ZNF875: variants seen among roughly 807,000 people sequenced by gnomAD.
The protein encoded by ZNF875 is HKR1, GLI-Kruppel zinc finger family member.
A neutral mutation model predicts 11.2 loss-of-function variants in ZNF875; 14 were observed. The observed-to-expected ratio is 1.26, with a 90% CI of 0.83 to 1.96. ZNF875 has a LOEUF of 1.96. Among genes scored for constraint, ZNF875 ranks in the 30% most tolerant of loss-of-function variants. The probability of loss-of-function intolerance (pLI) is 0.00; values close to 1 mark genes in which losing one functional copy is unlikely to be tolerated. For synonymous variants in ZNF875, 301 were observed against 281.1 expected (o/e 1.07, Z -0.71); for missense variants, 752 against 760.4 (o/e 0.99, Z 0.13).
chr19:37,347,530 C>A, intron 3 of ZNF875: 1 of 614,626 alleles, frequency 1.6e-6, no homozygotes, highest in South Asian at 2.1e-5. Context: ...AGGCCTGTTT[C>A]CCAAGGCTTG....
chr19:37,331,088 G>A (rs2033300190), upstream of ZNF875, among the ~76,000 whole-genome samples: 1 of 150,114 alleles, frequency 6.7e-6, no homozygotes, highest in Admixed American at 6.7e-5. Flanking sequence ...TCGGGAGGCT[G>A]AGACAGGAGA....
At chr19:37,357,923 TG>T (rs1568645975) in intron 4 of ZNF875, 1 of 398,252 alleles carries the variant, frequency 2.5e-6, no homozygotes, top group Non-Finnish European at 4.4e-6. Context: ...TGAATACGAG[TG>T]GTGAGAGCAG....
chr19:37,349,444 G>A (rs1217811965), intron 4 of ZNF875, among the ~76,000 whole-genome samples: 1 of 152,170 alleles, frequency 6.6e-6, no homozygotes, highest in Admixed American at 6.5e-5. Context: ...GTATGAAATG[G>A]CCTCTCATAG....
At chr19:37,351,294 TTTCA>T (rs1427468250) in intron 4 of ZNF875, among the ~76,000 whole-genome samples, 7 of 152,206 alleles carry the variant, frequency 4.6e-5, no homozygotes, top group African/African-American at 1.7e-4. Context: ...GTGCTTCCTC[TTTCA>T]TTCCCCATAT....
upstream of ZNF875, among the ~76,000 whole-genome samples, chr19:37,329,731 G>T (rs371323850): frequency 2.6e-5 from 4 of 152,034 alleles, no homozygotes; most frequent in Non-Finnish European, 4.4e-5. Context: ...TTCCTCAGTG[G>T]TTTTTTCCCC....
chr19:37,345,107 C>A (rs964171416), intron 2 of ZNF875: 1 of 205,270 alleles, frequency 4.9e-6, no homozygotes, highest in Middle Eastern at 2.1e-3. Flanking sequence ...CCCAGTGATT[C>A]ACAACCATCA....
intron 3 of ZNF875, among the ~76,000 whole-genome samples, chr19:37,323,879 G>A (rs2031965360): frequency 6.6e-6 from 1 of 152,166 alleles, no homozygotes; most frequent in South Asian, 2.1e-4. Flanking sequence ...TGCACACCCC[G>A]GTGCATGTGC....
chr19:37,326,905 T>C (rs1407607577), intron 4 of ZNF875, among the ~76,000 whole-genome samples: 1 of 151,998 alleles, frequency 6.6e-6, no homozygotes, highest in African/African-American at 2.4e-5. Context: ...TGACCTCAAG[T>C]GATCTGCCCG....
At chr19:37,329,230 C>T (rs576760391) in intron 4 of ZNF875, 2 of 152,256 alleles carry the variant, frequency 1.3e-5, no homozygotes, top group African/African-American at 4.8e-5. Context: ...GTTTTCTAGT[C>T]CCTCTTATTT....
intron 4 of ZNF875, among the ~76,000 whole-genome samples, chr19:37,356,717 G>T (rs2038973750): frequency 6.6e-6 from 1 of 152,090 alleles, no homozygotes. Context: ...TTATGTTTCT[G>T]CATATTAGTC....
chr19:37,325,649 G>T (rs564058342), intron 4 of ZNF875, among the ~76,000 whole-genome samples: 2 of 151,758 alleles, frequency 1.3e-5, no homozygotes, highest in East Asian at 1.9e-4. Flanking sequence ...GGGCTCAAGA[G>T]ATCCTCCTAC....
intron 2 of ZNF875, among the ~76,000 whole-genome samples, 170 bp downstream of exon 2, chr19:37,335,427 C>T (rs999976640): frequency 6.6e-6 from 1 of 152,142 alleles, no homozygotes; most frequent in South Asian, 2.1e-4. Flanking sequence ...GCGTCCGATT[C>T]TGTCGCTGTT....
At chr19:37,339,848 A>G (rs1481692489) in intron 2 of ZNF875, among the ~76,000 whole-genome samples, 2 of 151,064 alleles carry the variant, frequency 1.3e-5, no homozygotes, top group African/African-American at 4.9e-5. Flanking sequence ...TACAGGCATG[A>G]GCACCGCGGC....
intron 4 of ZNF875, among the ~76,000 whole-genome samples, chr19:37,325,550 CTTTT>C (rs34494440): frequency 2.7e-5 from 4 of 146,488 alleles, no homozygotes; most frequent in Non-Finnish European, 6.0e-5. Flanking sequence ...AAATCATTTA[CTTTT>C]TTTTTTTTTG....
In ZNF875 at chr19:37,363,509, A is replaced by T. The variant is rs1330041569; in HGVS notation, c.1657A>T (p.Lys553Ter). The change falls in exon 5 of 5, where the codon AAG becomes TAG. Residue 553 changes from lysine to a stop codon, truncating the protein, a stop_gained. Coordinates refer to ENST00000392153, the MANE Select transcript of ZNF875 (RefSeq NM_001353803.2). LOFTEE classifies it low-confidence loss of function (END_TRUNC). ...FRQKPNLFRH[K>*]RAHSGAFVCR... ...GCAGAAGCCTAACCTGTTTAGGCAC[A>T]AGAGGGCACACTCAGGTGCCTTTGT... The T allele has an allele frequency of 6.2e-7, 1 of 1,612,792 alleles. No individual in the cohort carries two copies. Among genetic ancestry groups the T allele is most frequent in the Admixed American group, 1.7e-5 (1 of 59,952 alleles).
At chr19:37,315,849 T>C (rs2030154982), upstream of ZNF875, among the ~76,000 whole-genome samples, 1 of 151,932 alleles carries the variant, frequency 6.6e-6, no homozygotes, top group African/African-American at 2.4e-5. Context: ...GGGCCTAGGG[T>C]CTGGAAAGAT....
In ZNF875 at chr19:37,363,994, T is replaced by G; in HGVS notation, c.*219T>G. 1 of 539,104 alleles carries G rather than the reference T, an allele frequency of 1.9e-6. No individual in the cohort carries two copies. The highest frequency in any genetic ancestry group is 3.3e-6 in the Non-Finnish European group (1 of 301,602). The allele number at this position is 539,104 out of a possible 1,614,324, so 33.4% of individuals were successfully genotyped here. A position where few individuals can be genotyped will look rare whatever the true frequency, so the allele number is the denominator to read the frequency against. On this transcript the variant is annotated 3_prime_UTR_variant, in exon 5 of 5. Transcript: ENST00000392153. The stretch of plus-strand genomic sequence containing the variant: ...TGGCTCATTTTCAGGAGCCCTGCCC[T>G]TCCTCACTGTGGATGGTGGGTTGTG...
At position 37,363,269 on chromosome 19, in the gene ZNF875, A is replaced by G; in HGVS notation, c.1417A>G (p.Thr473Ala). The change falls in exon 5 of 5, where the codon ACG (threonine) becomes GCG (alanine). Residue 473 changes from threonine to alanine, a missense_variant. Physicochemically the swap from Thr to Ala is moderately conservative, Grantham distance 58. Coordinates refer to ENST00000392153, the MANE Select transcript of ZNF875 (RefSeq NM_001353803.2). ...CCTTAACAAACACCAGAGGTCACAC[A>G]CGGGGGAGAAGCCATTTGTATGTAC... ...SNLNKHQRSH[T>A]GEKPFVCTEC... 1.2e-6 allele frequency: 2 copies of G among 1,613,210 alleles called. No individual in the cohort carries two copies. The highest frequency in any genetic ancestry group is 1.7e-6 in the Non-Finnish European group (2 of 1,179,616).
At chr19:37,356,177 T>A (rs1232018610) in intron 4 of ZNF875, among the ~76,000 whole-genome samples, 1 of 152,206 alleles carries the variant, frequency 6.6e-6, no homozygotes, top group East Asian at 1.9e-4. Context: ...TCCAGTCCAC[T>A]ATTGATGGGC....
Sources: allele counts gnomAD v4.1 joint callset (sites outside exome capture counted in the v4.1 genomes callset), GRCh38; gene constraint gnomAD v4.1.1; transcripts MANE v1.5; gene names NCBI Gene and HGNC (gene_info 2026-07-23, HGNC 2026-07-21).